PIGL: variants seen among roughly 807,000 people sequenced by gnomAD.
The protein encoded by PIGL is phosphatidylinositol glycan anchor biosynthesis class L.
PIGL carries 22 observed loss-of-function variants against 31.1 expected under a neutral mutation model. That is an observed-to-expected ratio of 0.71 (90% CI 0.51 to 1.01). PIGL has a LOEUF of 1.01. Among genes scored for constraint, PIGL ranks in the 50% least tolerant of loss-of-function variants. PIGL has a pLI of 0.00. For missense variants in PIGL, 302 were observed against 315.9 expected (o/e 0.96, Z 0.33); for synonymous variants, 131 against 117.4 (o/e 1.12, Z -0.75).
intron 2 of PIGL, among the ~76,000 whole-genome samples, chr17:16,257,253 C>G (rs1216645240): frequency 2.6e-5 from 4 of 151,912 alleles, no homozygotes; most frequent in Non-Finnish European, 4.4e-5. Context: ...CCCGTCTCTA[C>G]TAAAAATACA....
chr17:16,222,300 G>C (rs1007659834), intron 1 of PIGL, among the ~76,000 whole-genome samples: 7 of 151,854 alleles, frequency 4.6e-5, no homozygotes, highest in African/African-American at 1.7e-4. Flanking sequence ...TTAAAAATAG[G>C]AGTAGATATA....
At chr17:16,323,059 C>T (rs968811154) in intron 6 of PIGL, among the ~76,000 whole-genome samples, 1 of 152,074 alleles carries the variant, frequency 6.6e-6, no homozygotes, top group African/African-American at 2.4e-5. Flanking sequence ...GAAATATACA[C>T]AAAACAAGGT....
intron 6 of PIGL, among the ~76,000 whole-genome samples, chr17:16,322,453 TA>T (rs937778210): frequency 7.3e-5 from 11 of 150,278 alleles, no homozygotes; most frequent in East Asian, 1.9e-4. Context: ...TTTCAATCTT[TA>T]AAAAAAAAAT....
At chr17:16,246,288 TGGATCACGA>T (rs1401198630) in intron 2 of PIGL, among the ~76,000 whole-genome samples, 1 of 151,004 alleles carries the variant, frequency 6.6e-6, no homozygotes, top group Non-Finnish European at 1.5e-5. Context: ...GGGAGGCAGG[TGGATCACGA>T]GGTCAAGAGA....
chr17:16,317,030 T>A, intron 5 of PIGL: 1 of 1,128,770 alleles, frequency 8.9e-7, no homozygotes, highest in Non-Finnish European at 1.1e-6. Context: ...CCCAACCAAT[T>A]AGGCAGGTTG....
At chr17:16,243,427 T>A (rs1033720006) in intron 2 of PIGL, among the ~76,000 whole-genome samples, 1 of 152,194 alleles carries the variant, frequency 6.6e-6, no homozygotes, top group Non-Finnish European at 1.5e-5. Flanking sequence ...GGGATCCCAT[T>A]CATTTCAGTA....
chr17:16,240,971 G>A lies in PIGL; in HGVS notation c.335+6901G>A, dbSNP rs71360160. On this transcript the variant is annotated intron_variant, in intron 2 of 6. Coordinates refer to ENST00000225609, the MANE Select transcript of PIGL (RefSeq NM_004278.4). ...CTCTACTAAAAATACAAAATTAGCC[G>A]GGTGTGGTGGCACATCCCTGTAATC... is the stretch of plus-strand genomic sequence containing the variant. Among the ~76,000 whole-genome samples, 1,238 of 151,684 alleles carry A rather than the reference G, an allele frequency of 8.2e-3. 3 individuals are homozygous for A. The highest frequency in any genetic ancestry group is 0.013 in the Non-Finnish European group (886 of 67,876).
chr17:16,318,387 C>T (rs2093087834), intron 6 of PIGL, among the ~76,000 whole-genome samples: 1 of 151,828 alleles, frequency 6.6e-6, no homozygotes, highest in South Asian at 2.1e-4. Flanking sequence ...TCTCCTGCCT[C>T]AGCCTCCTGA....
chr17:16,266,441 G>T (rs1177997542), intron 2 of PIGL, among the ~76,000 whole-genome samples: 1 of 149,708 alleles, frequency 6.7e-6, no homozygotes, highest in African/African-American at 2.5e-5. Flanking sequence ...CATTTATTGT[G>T]CCAGGTACTC....
chr17:16,266,880 A>G (rs1389684023), intron 2 of PIGL, among the ~76,000 whole-genome samples: 2 of 130,354 alleles, frequency 1.5e-5, no homozygotes, highest in Non-Finnish European at 3.2e-5. Context: ...TACAGGCGTG[A>G]GCCACCACGC....
chr17:16,237,215 C>G (rs2092703131), intron 2 of PIGL, among the ~76,000 whole-genome samples: 1 of 143,824 alleles, frequency 7.0e-6, no homozygotes, highest in African/African-American at 2.6e-5. Flanking sequence ...TAAAGTGATT[C>G]TCCTGCCTCA....
chr17:16,299,369 C>T (rs944465299), intron 2 of PIGL, among the ~76,000 whole-genome samples: 4 of 149,344 alleles, frequency 2.7e-5, no homozygotes, highest in African/African-American at 4.9e-5. Flanking sequence ...GCAGGAACCC[C>T]GGAGGCAAAG....
chr17:16,316,614 G>C, intron 4 of PIGL, 67 bp from the exon 5 acceptor site: 1 of 1,488,060 alleles, frequency 6.7e-7, no homozygotes, highest in Non-Finnish European at 9.2e-7. Context: ...TCCTCTGAAG[G>C]CCCCTCCTGT....
intron 3 of PIGL, among the ~76,000 whole-genome samples, chr17:16,302,591 TC>T (rs2142840476): frequency 6.6e-6 from 1 of 152,156 alleles, no homozygotes; most frequent in East Asian, 1.9e-4. Flanking sequence ...GGTACTCTTA[TC>T]TTTTTTTCTT....
At chr17:16,217,613 C>T in intron 1 of PIGL, 152 bp downstream of exon 1, 6 of 616,666 alleles carry the variant, frequency 9.7e-6, no homozygotes, top group Admixed American at 3.1e-5. Context: ...AGCCTAGGGA[C>T]AGGAGCGGCC....
chr17:16,229,137 C>T (rs2092667079), intron 1 of PIGL, among the ~76,000 whole-genome samples: 2 of 151,982 alleles, frequency 1.3e-5, no homozygotes, highest in Admixed American at 1.3e-4. Context: ...ATTAGCCAGT[C>T]TGGGTGGCGA....
intron 2 of PIGL, among the ~76,000 whole-genome samples, chr17:16,267,244 G>A (rs893922713): frequency 6.6e-6 from 1 of 152,134 alleles, no homozygotes; most frequent in African/African-American, 2.4e-5. Flanking sequence ...GGAAGAGTAA[G>A]TGTATTTACT....
chr17:16,231,842 C>CA (rs758277481), intron 1 of PIGL, among the ~76,000 whole-genome samples: 17 of 152,126 alleles, frequency 1.1e-4, no homozygotes, highest in Non-Finnish European at 2.5e-4. Context: ...ATAATGGTCT[C>CA]AAACTCTTTG....
chr17:16,300,904 G>C (rs1235572511), intron 3 of PIGL, among the ~76,000 whole-genome samples: 1 of 152,132 alleles, frequency 6.6e-6, no homozygotes, highest in African/African-American at 2.4e-5. Context: ...TGCAATGGTG[G>C]ACAAGCCTAG....
Sources: gnomAD v4.1 joint callset for allele counts (sites outside exome capture counted in the v4.1 genomes callset) on GRCh38, gnomAD v4.1.1 for gene constraint, MANE v1.5 for transcripts, NCBI Gene and HGNC (gene_info 2026-07-23, HGNC 2026-07-21) for gene names.